MARCHF7: variants seen among roughly 807,000 people sequenced by gnomAD.
MARCHF7 encodes membrane associated ring-CH-type finger 7.
A neutral mutation model predicts 76.5 loss-of-function variants in MARCHF7; 20 were observed. The ratio of observed to expected loss-of-function variants is 0.26; its 90% CI spans 0.18 to 0.38. The LOEUF is 0.38. Ranked by LOEUF, MARCHF7 falls within the 10% of genes least tolerant of loss-of-function variation. The probability of loss-of-function intolerance (pLI) is 1.00; values close to 1 mark genes in which losing one functional copy is unlikely to be tolerated. For synonymous variants in MARCHF7, 295 were observed against 293.0 expected (o/e 1.01, Z -0.07); for missense variants, 797 against 812.9 (o/e 0.98, Z 0.24).
chr2:159,726,779 T>G (rs1702222961), intron 3 of MARCHF7, among the ~76,000 whole-genome samples: 1 of 152,204 alleles, frequency 6.6e-6, no homozygotes, highest in African/African-American at 2.4e-5. Flanking sequence ...AACCAAAATT[T>G]CATACTCATT....
Position 159,743,100 on chromosome 2 carries a change from G to A in MARCHF7, c.193G>A (p.Ala65Thr), listed in dbSNP as rs112151628. ...AGCATCTGCGTCACCATTTCAATCT[G>A]CATGGTATAGTGAATCTGAGATAAC... ...ASASASPFQS[A>T]WYSESEITQG... Residue 65 changes from alanine (A) to threonine (T), a missense_variant, in exon 5 of 12, where the codon GCA becomes ACA. Ala to Thr is a moderately conservative substitution (Grantham distance 58). Coordinates refer to ENST00000409175, the MANE Select transcript of MARCHF7 (RefSeq NM_001282805.2). 1 of 1,614,088 alleles carries A rather than the reference G, an allele frequency of 6.2e-7. No homozygotes were observed. Among genetic ancestry groups the A allele is most frequent in the Non-Finnish European group, 8.5e-7 (1 of 1,180,010 alleles).
At chr2:159,714,791 T>TGCTACTACTA (rs1165863065) in intron 2 of MARCHF7, among the ~76,000 whole-genome samples, 193 bp downstream of exon 2, 1 of 152,116 alleles carries the variant, frequency 6.6e-6, no homozygotes, top group Non-Finnish European at 1.5e-5. Flanking sequence ...TGGTGCGCAC[T>TGCTACTACTA]GCTACTACTA....
At chr2:159,737,072 AAAAG>A (rs1402378022) in intron 4 of MARCHF7, among the ~76,000 whole-genome samples, 1 of 152,224 alleles carries the variant, frequency 6.6e-6, no homozygotes, top group African/African-American at 2.4e-5. Flanking sequence ...AAGTTAATGA[AAAAG>A]AAAGAAACCT....
chr2:159,756,493 C>A (rs1386467795), intron 8 of MARCHF7, among the ~76,000 whole-genome samples: 2 of 151,742 alleles, frequency 1.3e-5, no homozygotes, highest in African/African-American at 2.4e-5. Context: ...TCAAGACCAG[C>A]CTGGCCAACA....
At chr2:159,762,096 C>A (rs1226978016) in intron 9 of MARCHF7, among the ~76,000 whole-genome samples, 1 of 152,138 alleles carries the variant, frequency 6.6e-6, no homozygotes, top group Admixed American at 6.5e-5. Flanking sequence ...CCCTATAGTT[C>A]AATAGTGTAT....
At chr2:159,733,981 C>T in intron 4 of MARCHF7, 1 of 1,311,552 alleles carries the variant, frequency 7.6e-7, no homozygotes, top group African/African-American at 1.5e-5. Flanking sequence ...AGCTGCGCTT[C>T]ACCTGCTACT....
rs1366274083 is a variant in MARCHF7 at position 159,768,694 on chromosome 2, C to T, written c.*1352C>T. On this transcript the variant is annotated 3_prime_UTR_variant, in exon 12 of 12. Transcript: ENST00000409175. ...AAGCAATAATATAAATGTTCTAAAA[C>T]ATTTGCTCACCTCTTGCCAGTTACC... The T allele has an allele frequency of 2.0e-5, 3 of 152,546 alleles. No homozygotes were observed. Among genetic ancestry groups the T allele is most frequent in the Non-Finnish European group, 4.4e-5 (3 of 68,002 alleles). The allele number at this position is 152,546 out of a possible 1,614,324, so 9.4% of individuals were successfully genotyped here.
rs374570207 is a variant in MARCHF7 at position 159,769,726 on chromosome 2, G to GT, written c.*2387dup. On this transcript the variant is annotated 3_prime_UTR_variant, in exon 12 of 12. Transcript: ENST00000409175. Reference sequence around the variant, plus strand: ...ACCAAATATTGAAAATTAAATCAGAGTTTAAAGCAGCTATTTTGGAAGAGC... The same window carrying GT: ...ACCAAATATTGAAAATTAAATCAGAGTTTTAAAGCAGCTATTTTGGAAGAGC... 66 of 152,258 alleles carry GT rather than the reference G, an allele frequency of 4.3e-4. No individual in the cohort carries two copies. The highest frequency in any genetic ancestry group is 1.4e-3 in the African/African-American group (60 of 41,538). 9.4% of individuals were successfully genotyped at this position (152,258 alleles called of 1,614,324 possible).
intron 3 of MARCHF7, among the ~76,000 whole-genome samples, chr2:159,722,004 A>T (rs1329253464): frequency 6.6e-6 from 1 of 152,198 alleles, no homozygotes; most frequent in East Asian, 1.9e-4. Flanking sequence ...GAAGGAAAAG[A>T]CCATTTCATT....
At chr2:159,728,823 G>A (rs760260999) in intron 3 of MARCHF7, among the ~76,000 whole-genome samples, 186 bp from the exon 4 acceptor site, 2 of 152,160 alleles carry the variant, frequency 1.3e-5, no homozygotes, top group Non-Finnish European at 2.9e-5. Context: ...TTTTATGGAC[G>A]ATAGGAAACC....
At chr2:159,736,524 G>A (rs1015804105) in intron 4 of MARCHF7, among the ~76,000 whole-genome samples, 3 of 151,856 alleles carry the variant, frequency 2.0e-5, no homozygotes, top group Non-Finnish European at 4.4e-5. Context: ...GCTCCTTATT[G>A]GATACATGAT....
intron 9 of MARCHF7, among the ~76,000 whole-genome samples, chr2:159,761,106 A>G (rs1214381727): frequency 6.7e-6 from 1 of 150,052 alleles, no homozygotes; most frequent in African/African-American, 2.5e-5. Flanking sequence ...GCTCACGACA[A>G]CCTCTGCCTC....
intron 5 of MARCHF7, 42 bp downstream of exon 5, chr2:159,743,295 C>T (rs1257537901): frequency 1.3e-6 from 2 of 1,555,050 alleles, no homozygotes; most frequent in Non-Finnish European, 1.8e-6. Context: ...CGTTTTTCTC[C>T]AGGTGTAACA....
chr2:159,750,976 C>T (rs113252110), intron 7 of MARCHF7, among the ~76,000 whole-genome samples: 5 of 152,102 alleles, frequency 3.3e-5, no homozygotes, highest in African/African-American at 1.2e-4. Context: ...TCCTATTTTT[C>T]ATTTTATAGG....
intron 3 of MARCHF7, among the ~76,000 whole-genome samples, chr2:159,727,721 T>C (rs1702337176): frequency 6.6e-6 from 1 of 152,260 alleles, no homozygotes; most frequent in Non-Finnish European, 1.5e-5. Context: ...GGTGGAATGC[T>C]ATGTAAAGAA....
intron 5 of MARCHF7, 42 bp downstream of exon 5, chr2:159,743,295 C>G (rs1257537901): frequency 1.3e-6 from 2 of 1,554,932 alleles, no homozygotes; most frequent in Admixed American, 3.5e-5. Flanking sequence ...CGTTTTTCTC[C>G]AGGTGTAACA....
Position 159,767,477 on chromosome 2 carries a change from G to C in MARCHF7, c.*135G>C. On this transcript the variant is annotated 3_prime_UTR_variant, in exon 12 of 12. Transcript: ENST00000409175. ...ATAAAATGAATATATACATACACAT[G>C]TATGCCTGTATATATATATTCATTC... 1.8e-6 allele frequency: 1 copy of C among 566,088 alleles called. No individual in the cohort carries two copies. The allele number at this position is 566,088 out of a possible 1,614,324, so 35.1% of individuals were successfully genotyped here.
Position 159,752,399 on chromosome 2 carries a change from C to A in MARCHF7, c.1614-3C>A. 6.4e-7 allele frequency: 1 copy of A among 1,568,646 alleles called. No individual in the cohort carries two copies. Among genetic ancestry groups the A allele is most frequent in the Non-Finnish European group, 8.6e-7 (1 of 1,159,124 alleles). On this transcript the variant is annotated splice_region_variant and splice_polypyrimidine_tract_variant and intron_variant, in intron 7 of 11. Coordinates refer to ENST00000409175, the MANE Select transcript of MARCHF7 (RefSeq NM_001282805.2). ...GCTTTGGGAAATGTGCCTTCTTTTC[C>A]AGCCTCCTTTTAGAGGACTCAGAAG...
chr2:159,715,838 G>A (rs1046045204), intron 3 of MARCHF7, 72 bp downstream of exon 3: 1 of 152,132 alleles, frequency 6.6e-6, no homozygotes, highest in Non-Finnish European at 1.5e-5. Flanking sequence ...TAAAAAGAAG[G>A]CAAGTTTTGA....
Sources: gnomAD v4.1 joint callset for allele counts (sites outside exome capture counted in the v4.1 genomes callset) on GRCh38, gnomAD v4.1.1 for gene constraint, MANE v1.5 for transcripts, NCBI Gene and HGNC (gene_info 2026-07-23, HGNC 2026-07-21) for gene names.